UCHL3: variants seen among roughly 807,000 people sequenced by gnomAD.
UCHL3 encodes ubiquitin C-terminal hydrolase L3.
A neutral mutation model predicts 35.8 loss-of-function variants in UCHL3; 22 were observed. The ratio of observed to expected loss-of-function variants is 0.61; its 90% CI spans 0.44 to 0.88. The LOEUF (loss-of-function observed/expected upper bound fraction) is 0.88, where lower values mean the gene tolerates loss of function less well. Ranked by LOEUF, UCHL3 falls within the 40% of genes least tolerant of loss-of-function variation. UCHL3 has a pLI of 0.00. For synonymous variants in UCHL3, 90 were observed against 92.8 expected (o/e 0.97, Z 0.17); for missense variants, 229 against 276.9 (o/e 0.83, Z 1.23).
chr13:75,601,820 A>T (rs2032787517), intron 7 of UCHL3, among the ~76,000 whole-genome samples: 1 of 152,026 alleles, frequency 6.6e-6, no homozygotes, highest in Non-Finnish European at 1.5e-5. Context: ...AAAAGTTTTT[A>T]TTTCTGTGGC....
At chr13:75,577,625 G>A (rs1288439392) in intron 6 of UCHL3, among the ~76,000 whole-genome samples, 3 of 152,058 alleles carry the variant, frequency 2.0e-5, no homozygotes, top group Non-Finnish European at 2.9e-5. Context: ...ATATGGTTTG[G>A]GCTTCCACTA....
intron 6 of UCHL3, among the ~76,000 whole-genome samples, chr13:75,574,628 A>G (rs566460434): frequency 6.8e-4 from 104 of 152,314 alleles, no homozygotes; most frequent in African/African-American, 2.3e-3. Flanking sequence ...TTAATTATAT[A>G]AACTGCTTAG....
chr13:75,599,237 C>T (rs1236557847), intron 7 of UCHL3, among the ~76,000 whole-genome samples: 1 of 150,800 alleles, frequency 6.6e-6, no homozygotes, highest in East Asian at 2.0e-4. Context: ...TTCCAAAGTG[C>T]TGGGATTACA....
intron 6 of UCHL3, among the ~76,000 whole-genome samples, chr13:75,592,419 T>TATATATATATGTAC (rs1566227784): frequency 2.4e-5 from 1 of 42,282 alleles, no homozygotes; most frequent in African/African-American, 1.4e-4. Flanking sequence ...TTCCTTCATA[T>TATATATATATGTAC]ATATATATAT....
chr13:75,600,154 G>T (rs756108017), intron 7 of UCHL3, among the ~76,000 whole-genome samples: 1 of 152,200 alleles, frequency 6.6e-6, no homozygotes, highest in African/African-American at 2.4e-5. Flanking sequence ...ACAGAAGAAA[G>T]GTCTGAAGCT....
chr13:75,591,434 G>C (rs2032475346), intron 6 of UCHL3, among the ~76,000 whole-genome samples: 1 of 152,116 alleles, frequency 6.6e-6, no homozygotes, highest in Admixed American at 6.5e-5. Flanking sequence ...TAAATGACCA[G>C]GGTAGAATCC....
chr13:75,569,319 T>G lies in UCHL3; in HGVS notation c.427-141T>G, dbSNP rs1334739646. On this transcript the variant is annotated intron_variant, in intron 5 of 8. Coordinates refer to ENST00000377595, the MANE Select transcript of UCHL3 (RefSeq NM_006002.5). ...TACCCAGATATCATTCTTAAATATCTAGTACTAAGCTTTTCTTAAATTTCC... is the reference window on the plus strand; with the variant it reads ...TACCCAGATATCATTCTTAAATATCGAGTACTAAGCTTTTCTTAAATTTCC... 5 of 548,478 alleles carry G rather than the reference T, an allele frequency of 9.1e-6. No individual in the cohort carries two copies. The East Asian group carries it at 1.2e-4, about 13-fold the overall frequency. The allele number at this position is 548,478 out of a possible 1,614,324, so 34.0% of individuals were successfully genotyped here.
In UCHL3 at chr13:75,575,792, C is replaced by T. The variant is rs527900086; in HGVS notation, c.474+6285C>T. Among the ~76,000 whole-genome samples the T allele has an allele frequency of 9.2e-5, 14 of 152,350 alleles. No homozygotes were observed. The South Asian group carries it at 2.7e-3, about 29-fold the overall frequency. On this transcript the variant is annotated intron_variant, in intron 6 of 8. Transcript: ENST00000377595. ...TTTGAGACGTAGTCTTGCTCTGTCACCCAGGCTGGAGTGCAGTGGCATGAT... is the reference window on the plus strand; with the variant it reads ...TTTGAGACGTAGTCTTGCTCTGTCATCCAGGCTGGAGTGCAGTGGCATGAT...
Position 75,549,820 on chromosome 13 carries a change from C to T in UCHL3, c.-1C>T, listed in dbSNP as rs941681730. 1.9e-6 allele frequency: 3 copies of T among 1,581,420 alleles called. No individual in the cohort carries two copies. The highest frequency in any genetic ancestry group is 1.4e-5 in the African/African-American group (1 of 73,966). The stretch of plus-strand genomic sequence containing the variant: ...GAGCTGGAGGGCCGGGCACCGCGGC[C>T]ATGGAGGGTCAACGCTGGCTGCCGC... On this transcript the variant is annotated 5_prime_UTR_variant, in exon 1 of 9. Transcript: ENST00000377595.
chr13:75,573,229 A>G lies in UCHL3; in HGVS notation c.474+3722A>G, dbSNP rs530778112. 6.0e-5 allele frequency among the ~76,000 whole-genome samples: 9 copies of G among 149,574 alleles called. No homozygotes were observed. In the South Asian group the frequency reaches 1.9e-3, roughly 32 times the overall value. The stretch of plus-strand genomic sequence containing the variant: ...CAGTGAGCCGATATCCCACCACTGC[A>G]CTTCAGGCTGGGCAACAAGAGCGAG... On this transcript the variant is annotated intron_variant, in intron 6 of 8. Coordinates refer to ENST00000377595, the MANE Select transcript of UCHL3 (RefSeq NM_006002.5).
At chr13:75,590,270 G>A in intron 6 of UCHL3, 5 of 1,181,392 alleles carry the variant, frequency 4.2e-6, no homozygotes, top group South Asian at 1.6e-5. Flanking sequence ...AAGATTGCAA[G>A]CATATCTCTA....
At chr13:75,595,707 T>G (rs765777535) in intron 7 of UCHL3, among the ~76,000 whole-genome samples, 3 of 150,910 alleles carry the variant, frequency 2.0e-5, no homozygotes. Context: ...TTTTAAAGAC[T>G]TTACAGGAGC....
At chr13:75,597,383 A>G (rs2032670327) in intron 7 of UCHL3, among the ~76,000 whole-genome samples, 1 of 152,010 alleles carries the variant, frequency 6.6e-6, no homozygotes. Context: ...AAAAAAAAAG[A>G]AAAGAAGACA....
chr13:75,574,617 G>A (rs1333318371), intron 6 of UCHL3, among the ~76,000 whole-genome samples: 1 of 152,186 alleles, frequency 6.6e-6, no homozygotes, highest in Non-Finnish European at 1.5e-5. Flanking sequence ...AGACTAATGA[G>A]TTAATTATAT....
intron 2 of UCHL3, among the ~76,000 whole-genome samples, chr13:75,553,286 C>G (rs1411570698): frequency 6.6e-6 from 1 of 152,224 alleles, no homozygotes; most frequent in Non-Finnish European, 1.5e-5. Flanking sequence ...GCTACCTCAT[C>G]TCACATTCTT....
chr13:75,602,966 TTTTTTG>T (rs1451646027), intron 7 of UCHL3, among the ~76,000 whole-genome samples: 1 of 152,092 alleles, frequency 6.6e-6, no homozygotes, highest in Non-Finnish European at 1.5e-5. Context: ...CTCACTGCCA[TTTTTTG>T]TTTTTATTTT....
At chr13:75,599,818 C>G (rs751527787) in intron 7 of UCHL3, among the ~76,000 whole-genome samples, 2 of 152,192 alleles carry the variant, frequency 1.3e-5, no homozygotes, top group African/African-American at 2.4e-5. Flanking sequence ...AGTCACACGT[C>G]TCTCACTTTA....
intron 6 of UCHL3, among the ~76,000 whole-genome samples, chr13:75,576,129 G>A (rs1042217374): frequency 3.3e-5 from 5 of 152,200 alleles, no homozygotes; most frequent in African/African-American, 9.6e-5. Context: ...GGCTTAATGT[G>A]ACTATTTATA....
chr13:75,594,971 T>A lies in UCHL3; in HGVS notation c.531T>A (p.Asp177Glu), dbSNP rs907401437. The A allele has an allele frequency of 6.2e-7, 1 of 1,606,556 alleles. No individual in the cohort carries two copies. The highest frequency in any genetic ancestry group is 1.7e-4 in the Middle Eastern group (1 of 6,030). ...DLHFIALVHV[D>E]GHLYELDGRK... is the part of the protein sequence containing the mutation. Reference sequence around the variant, plus strand: ...ATTTTATTGCATTAGTTCATGTAGATGGGCATCTCTATGAATTAGGTAAGA... The same window carrying A: ...ATTTTATTGCATTAGTTCATGTAGAAGGGCATCTCTATGAATTAGGTAAGA... The change falls in exon 7 of 9, where the codon GAT (aspartate) becomes GAA (glutamate). Residue 177 changes from aspartate (D) to glutamate (E), a missense_variant. Transcript: ENST00000377595.
Sources: allele counts gnomAD v4.1 joint callset (sites outside exome capture counted in the v4.1 genomes callset), GRCh38; gene constraint gnomAD v4.1.1; transcripts MANE v1.5; gene names NCBI Gene and HGNC (gene_info 2026-07-23, HGNC 2026-07-21).